The following GRM8 variants were observed in gnomAD, a reference collection of about 807,000 sequenced individuals.
GRM8 encodes the protein metabotropic glutamate receptor 8.
A neutral mutation model predicts 87.2 loss-of-function variants in GRM8; 47 were observed. The observed-to-expected ratio is 0.54, with a 90% CI of 0.43 to 0.69. GRM8 has a LOEUF of 0.69. Ranked by LOEUF, GRM8 falls within the 30% of genes least tolerant of loss-of-function variation. GRM8 has a pLI of 0.00. For missense variants in GRM8, 1,019 were observed against 1,139.2 expected (o/e 0.89, Z 1.52); for synonymous variants, 396 against 404.5 (o/e 0.98, Z 0.25).
intron 7 of GRM8, among the ~76,000 whole-genome samples, chr7:126,630,760 A>T (rs1801177036): frequency 6.6e-6 from 1 of 152,200 alleles, no homozygotes; most frequent in Non-Finnish European, 1.5e-5. Flanking sequence ...CATCATGTAC[A>T]CAGAACTAAA....
intron 5 of GRM8, among the ~76,000 whole-genome samples, 194 bp from the exon 6 acceptor site, chr7:126,902,873 C>G (rs1366956536): frequency 1.3e-5 from 2 of 152,128 alleles, no homozygotes; most frequent in African/African-American, 4.8e-5. Context: ...ATGGACAATC[C>G]CCCCACACCA....
At chr7:126,662,480 T>C (rs1231450445) in intron 7 of GRM8, among the ~76,000 whole-genome samples, 1 of 152,172 alleles carries the variant, frequency 6.6e-6, no homozygotes, top group Non-Finnish European at 1.5e-5. Context: ...AGAGGTTTAT[T>C]AGACTATTCA....
intron 3 of GRM8, among the ~76,000 whole-genome samples, chr7:127,043,821 C>G (rs1248898289): frequency 6.6e-6 from 1 of 152,042 alleles, no homozygotes; most frequent in African/African-American, 2.4e-5. Context: ...TCTGGAGTCA[C>G]CTGCAGGAGA....
chr7:126,865,628 T>C (rs1488303373), intron 6 of GRM8, among the ~76,000 whole-genome samples: 1 of 152,216 alleles, frequency 6.6e-6, no homozygotes, highest in East Asian at 1.9e-4. Flanking sequence ...CTAATTTACT[T>C]TTCCTCTTTA....
intron 7 of GRM8, among the ~76,000 whole-genome samples, chr7:126,674,667 C>T (rs192026546): frequency 2.6e-5 from 4 of 152,090 alleles, no homozygotes; most frequent in Admixed American, 2.6e-4. Flanking sequence ...CCAAGAATAT[C>T]ATGTAGCCCC....
At chr7:127,163,695 G>T (rs1203398832) in intron 2 of GRM8, among the ~76,000 whole-genome samples, 3 of 152,136 alleles carry the variant, frequency 2.0e-5, no homozygotes, top group Admixed American at 6.6e-5. Context: ...AAGCGTGTTT[G>T]GTCATGATTT....
chr7:126,540,529 C>T (rs552415486), intron 8 of GRM8, among the ~76,000 whole-genome samples: 21 of 152,084 alleles, frequency 1.4e-4, no homozygotes, highest in African/African-American at 5.1e-4. Flanking sequence ...CCCCCAAAAC[C>T]AGAAACAACC....
intron 8 of GRM8, among the ~76,000 whole-genome samples, chr7:126,554,288 T>C (rs1792901132): frequency 1.3e-5 from 2 of 151,000 alleles, no homozygotes; most frequent in South Asian, 4.2e-4. Flanking sequence ...AGCAAAAGGG[T>C]AATAAGGGAG....
chr7:126,870,200 G>A (rs1354211098), intron 6 of GRM8: 3 of 152,244 alleles, frequency 2.0e-5, no homozygotes, highest in East Asian at 3.9e-4. Context: ...AGAAACTGGA[G>A]GGAATTAGGG....
intron 2 of GRM8, among the ~76,000 whole-genome samples, chr7:127,129,925 C>T (rs1827584793): frequency 6.6e-6 from 1 of 152,140 alleles, no homozygotes; most frequent in Admixed American, 6.5e-5. Flanking sequence ...TCTATGTCCC[C>T]ACCCAAATCT....
At chr7:126,837,066 A>ATT (rs11387694) in intron 6 of GRM8, among the ~76,000 whole-genome samples, 4 of 151,460 alleles carry the variant, frequency 2.6e-5, no homozygotes, top group Non-Finnish European at 3.0e-5. Flanking sequence ...TTAAGACATT[A>ATT]TTTTTTTTTC....
intron 8 of GRM8, among the ~76,000 whole-genome samples, chr7:126,570,454 T>C (rs1024170584): frequency 1.3e-5 from 2 of 152,146 alleles, no homozygotes; most frequent in African/African-American, 4.8e-5. Flanking sequence ...TGTATGAATA[T>C]AAAATAAACT....
At chr7:127,145,175 T>C (rs981363552) in intron 2 of GRM8, among the ~76,000 whole-genome samples, 43 of 152,128 alleles carry the variant, frequency 2.8e-4, no homozygotes, top group African/African-American at 9.7e-4. Flanking sequence ...AACAGCCTGA[T>C]GAAAATTGTT....
At chr7:126,947,553 TAC>T (rs1212554479) in intron 3 of GRM8, among the ~76,000 whole-genome samples, 1 of 151,828 alleles carries the variant, frequency 6.6e-6, no homozygotes, top group East Asian at 1.9e-4. Flanking sequence ...TGCACACACA[TAC>T]ACACATATAT....
intron 2 of GRM8, among the ~76,000 whole-genome samples, chr7:127,142,419 T>C (rs1183564178): frequency 2.0e-5 from 3 of 152,108 alleles, no homozygotes; most frequent in African/African-American, 7.2e-5. Context: ...CACAAGCCAG[T>C]TTACACACAA....
intron 6 of GRM8, among the ~76,000 whole-genome samples, chr7:126,792,710 G>A (rs904791953): frequency 1.3e-5 from 2 of 152,130 alleles, no homozygotes; most frequent in Non-Finnish European, 2.9e-5. Context: ...TGTAGGTTAC[G>A]GGGTGCTTTT....
intron 7 of GRM8, among the ~76,000 whole-genome samples, chr7:126,737,782 A>AT (rs1023154576): frequency 3.9e-5 from 6 of 152,088 alleles, no homozygotes; most frequent in African/African-American, 1.4e-4. Flanking sequence ...CAAGTAAGTC[A>AT]TGACTCCCAC....
chr7:126,998,496 G>A (rs1464979678), intron 3 of GRM8, among the ~76,000 whole-genome samples: 1 of 151,684 alleles, frequency 6.6e-6, no homozygotes, highest in Non-Finnish European at 1.5e-5. Flanking sequence ...CTTACTTGCA[G>A]ATGGTATTAT....
chr7:126,837,747 T>C (rs1036391098), intron 6 of GRM8, among the ~76,000 whole-genome samples: 1 of 152,232 alleles, frequency 6.6e-6, no homozygotes, highest in African/African-American at 2.4e-5. Flanking sequence ...AAGAATTTAC[T>C]TCTGCCTGGA....
Sources: gnomAD v4.1 joint callset for allele counts (sites outside exome capture counted in the v4.1 genomes callset) on GRCh38, gnomAD v4.1.1 for gene constraint, MANE v1.5 for transcripts, NCBI Gene and HGNC (gene_info 2026-07-23, HGNC 2026-07-21) for gene names.